NOS1: variants seen among roughly 807,000 people sequenced by gnomAD.
The protein encoded by NOS1 is NOS type I.
Under a neutral mutation model 164.5 loss-of-function variants are expected in NOS1, and 51 were observed. The ratio of observed to expected loss-of-function variants is 0.31; its 90% CI spans 0.25 to 0.39. NOS1 has a LOEUF of 0.39. NOS1 is among the 10% of genes least tolerant of loss of function. The pLI, the probability that NOS1 is intolerant of heterozygous loss-of-function variation, is 1.00. For synonymous variants in NOS1, 719 were observed against 745.8 expected (o/e 0.96, Z 0.59); for missense variants, 1,362 against 1,885.6 (o/e 0.72, Z 5.14).
At chr12:117,328,538 A>G (rs2136072636) in intron 2 of NOS1, among the ~76,000 whole-genome samples, 1 of 151,584 alleles carries the variant, frequency 6.6e-6, no homozygotes, top group Middle Eastern at 3.4e-3. Flanking sequence ...AATATTTCTG[A>G]TCCCATCCTT....
chr12:117,341,520 A>T (rs368140409), intron 1 of NOS1, among the ~76,000 whole-genome samples: 1 of 152,174 alleles, frequency 6.6e-6, no homozygotes, highest in Non-Finnish European at 1.5e-5. Context: ...AGTTCGGCCA[A>T]CGGGAGACCA....
chr12:117,266,341 G>A (rs2135989060), intron 11 of NOS1, among the ~76,000 whole-genome samples: 1 of 152,218 alleles, frequency 6.6e-6, no homozygotes, highest in South Asian at 2.1e-4. Context: ...TCCCACTAAT[G>A]AGTGAGAACA....
chr12:117,340,219 G>T (rs1876032244), intron 1 of NOS1, among the ~76,000 whole-genome samples: 1 of 152,040 alleles, frequency 6.6e-6, no homozygotes, highest in Non-Finnish European at 1.5e-5. Context: ...GCTCAGGGTG[G>T]TCTCAAACTC....
intron 20 of NOS1, among the ~76,000 whole-genome samples, chr12:117,237,298 G>A (rs530012229): frequency 1.3e-4 from 19 of 151,936 alleles, no homozygotes; most frequent in Non-Finnish European, 2.4e-4. Context: ...TGCCCGGCTA[G>A]TTTTTGTACT....
intron 9 of NOS1, among the ~76,000 whole-genome samples, chr12:117,277,698 A>G (rs757997056): frequency 4.6e-5 from 7 of 152,332 alleles, no homozygotes; most frequent in Non-Finnish European, 8.8e-5. Context: ...TAGGGCTGGA[A>G]GAAGGGCAGG....
In NOS1 at chr12:117,338,174, G is replaced by A. The variant is rs546557943; in HGVS notation, c.-420-6685C>T. On this transcript the variant is annotated intron_variant, in intron 1 of 28. Coordinates refer to ENST00000317775, the MANE Select transcript of NOS1 (RefSeq NM_000620.5). The stretch of plus-strand genomic sequence containing the variant: ...GGAGGTTGCAGTGAGGCGAGATTGC[G>A]CCACTGCACTCCAGCCTGGGCGACA... Among the ~76,000 whole-genome samples the A allele has an allele frequency of 2.2e-3, 341 of 152,000 alleles. 1 individual carries two copies. Among genetic ancestry groups the A allele is most frequent in the African/African-American group, 7.3e-3 (304 of 41,450 alleles).
chr12:117,300,990 A>G (rs1193110472), intron 3 of NOS1, among the ~76,000 whole-genome samples: 1 of 152,210 alleles, frequency 6.6e-6, no homozygotes, highest in Admixed American at 6.5e-5. Flanking sequence ...GAAACCCCAA[A>G]TATCACAATA....
chr12:117,310,721 T>C (rs1874386563), intron 3 of NOS1, among the ~76,000 whole-genome samples: 1 of 151,978 alleles, frequency 6.6e-6, no homozygotes, highest in Non-Finnish European at 1.5e-5. Context: ...CACAGCTCAC[T>C]GCAGCCTTGA....
intron 11 of NOS1, among the ~76,000 whole-genome samples, chr12:117,266,829 C>T (rs1007732276): frequency 2.0e-5 from 3 of 152,132 alleles, no homozygotes; most frequent in South Asian, 2.1e-4. Context: ...TGAGCCACGG[C>T]GCCTGGCTAG....
intron 4 of NOS1, among the ~76,000 whole-genome samples, chr12:117,289,443 G>T (rs1480241212): frequency 6.6e-6 from 1 of 152,216 alleles, no homozygotes; most frequent in Non-Finnish European, 1.5e-5. Context: ...ATGAAAAGTG[G>T]CTTAACAGTC....
chr12:117,221,128 ATTTT>A (rs1229855098), intron 26 of NOS1, among the ~76,000 whole-genome samples: 3 of 130,490 alleles, frequency 2.3e-5, no homozygotes, highest in Non-Finnish European at 4.7e-5. Context: ...TGTTAAATTT[ATTTT>A]TATTTATTTA....
At chr12:117,222,517 G>C (rs1463681651) in intron 26 of NOS1, among the ~76,000 whole-genome samples, 198 bp downstream of exon 26, 4 of 152,204 alleles carry the variant, frequency 2.6e-5, no homozygotes, top group African/African-American at 7.2e-5. Flanking sequence ...GCCTCCCAAA[G>C]TGTTGGGATT....
chr12:117,346,997 A>C (rs1017214960), intron 1 of NOS1, among the ~76,000 whole-genome samples: 4 of 152,098 alleles, frequency 2.6e-5, no homozygotes, highest in Admixed American at 2.0e-4. Context: ...TAAAAACTGG[A>C]GGTTTCAGGC....
chr12:117,244,651 A>G (rs977473423), intron 18 of NOS1, among the ~76,000 whole-genome samples: 2 of 152,228 alleles, frequency 1.3e-5, no homozygotes, highest in Admixed American at 6.5e-5. Flanking sequence ...AACAATCCAA[A>G]TGTTCATCAG....
Position 117,361,519 on chromosome 12 carries a change from G to T in NOS1, c.-428C>A, listed in dbSNP as rs1161114893. 6.6e-6 allele frequency: 1 copy of T among 151,862 alleles called. No homozygotes were observed. The highest frequency in any genetic ancestry group is 2.4e-5 in the African/African-American group (1 of 41,346). The allele number at this position is 151,862 out of a possible 1,614,324, so 9.4% of individuals were successfully genotyped here. On this transcript the variant is annotated 5_prime_UTR_variant, in exon 1 of 29. Transcript: ENST00000317775. ...CGCGCGCCCCTGGCTCACCCCGTCC[G>T]CTCGGCCGCTGCTCGCTGCCCGGCC...
At position 117,214,992 on chromosome 12, in the gene NOS1, C is replaced by A. The variant is rs536533050; in HGVS notation, c.*317G>T. 47 of 1,123,292 alleles carry A rather than the reference C, an allele frequency of 4.2e-5. No homozygotes were observed. In the African/African-American group the frequency reaches 5.2e-4, roughly 12 times the overall value. 69.6% of individuals were successfully genotyped at this position (1,123,292 alleles called of 1,614,324 possible). A position where few individuals can be genotyped will look rare whatever the true frequency, so the allele number is the denominator to read the frequency against. On this transcript the variant is annotated 3_prime_UTR_variant, in exon 29 of 29. Coordinates refer to ENST00000317775, the MANE Select transcript of NOS1 (RefSeq NM_000620.5). ...TCCAGGGGAACCCCAGAGAAAAAAA[C>A]CCCCACAGCGACGGCCATGTTCCAG...
At chr12:117,319,499 A>T (rs1190226207) in intron 2 of NOS1, among the ~76,000 whole-genome samples, 1 of 152,214 alleles carries the variant, frequency 6.6e-6, no homozygotes, top group South Asian at 2.1e-4. Flanking sequence ...TCTGCAGAAG[A>T]CAGGCTAGTG....
chr12:117,349,897 T>A (rs200251024), intron 1 of NOS1, among the ~76,000 whole-genome samples: 2 of 20,220 alleles, frequency 9.9e-5, no homozygotes, highest in African/African-American at 5.2e-4. Flanking sequence ...TAATTTTTTA[T>A]TTTTTTTGTA....
intron 1 of NOS1, among the ~76,000 whole-genome samples, chr12:117,340,065 T>C (rs9658265): frequency 0.11 from 16,969 of 152,064 alleles, 1,097 homozygotes; most frequent in Admixed American, 0.19. Flanking sequence ...AGGGCAGTGG[T>C]GTAATAACAG....
Sources: gnomAD v4.1 joint callset for allele counts (sites outside exome capture counted in the v4.1 genomes callset) on GRCh38, gnomAD v4.1.1 for gene constraint, MANE v1.5 for transcripts, NCBI Gene and HGNC (gene_info 2026-07-23, HGNC 2026-07-21) for gene names.